The following EPN2 variants were observed in gnomAD, a reference collection of about 807,000 sequenced individuals.
EPN2 encodes the protein epsin 2.
A neutral mutation model predicts 61.7 loss-of-function variants in EPN2; 34 were observed. The observed-to-expected ratio is 0.55, with a 90% CI of 0.42 to 0.73. EPN2 has a LOEUF of 0.73. Among genes scored for constraint, EPN2 ranks in the 30% least tolerant of loss-of-function variants. The pLI is 0.00. For missense variants in EPN2, 714 were observed against 839.2 expected (o/e 0.85, Z 1.84); for synonymous variants, 349 against 353.6 (o/e 0.99, Z 0.15).
chr17:19,296,490 A>G lies in EPN2; in HGVS notation c.766+10700A>G, dbSNP rs1451502440. The G allele has an allele frequency of 3.3e-5, 5 of 152,306 alleles. 1 individual carries two copies. In the East Asian group the frequency reaches 5.8e-4, roughly 18 times the overall value. The allele number at this position is 152,306 out of a possible 1,614,324, so 9.4% of individuals were successfully genotyped here. On this transcript the variant is annotated intron_variant, in intron 4 of 10. Coordinates refer to ENST00000314728, the MANE Select transcript of EPN2 (RefSeq NM_014964.5). ...GGTACAAATGTAATAATGTATGTCC[A>G]TTCATGATAATTGGGAAAATGCAAA... is the stretch of plus-strand genomic sequence containing the variant.
chr17:19,284,023 G>A (rs2045382306), intron 3 of EPN2, among the ~76,000 whole-genome samples: 1 of 152,206 alleles, frequency 6.6e-6, no homozygotes. Flanking sequence ...GTCAGAATGG[G>A]TCTGGCAGCA....
At chr17:19,300,458 C>T (rs867925003) in intron 4 of EPN2, among the ~76,000 whole-genome samples, 17 of 110,556 alleles carry the variant, frequency 1.5e-4, no homozygotes, top group South Asian at 2.9e-4. Flanking sequence ...GAGACAGAGT[C>T]GCTCTTGTTG....
rs58660254 is a variant in EPN2, at chr17:19,318,549, CA to C, written c.1147+5288del. On this transcript the variant is annotated intron_variant, in intron 7 of 10. Transcript: ENST00000314728. ...TGGGCAACAGAGCGAGACTCCATCTCAAAAAAAAAAAAAAAAAAGAGTAGGG... is the reference window on the plus strand; with the variant it reads ...TGGGCAACAGAGCGAGACTCCATCTCAAAAAAAAAAAAAAAAAGAGTAGGG... 4.6e-3 allele frequency among the ~76,000 whole-genome samples: 113 copies of C among 24,784 alleles called. 7 individuals are homozygous for C. Among genetic ancestry groups the C allele is most frequent in the East Asian group, 8.7e-3 (24 of 2,770 alleles). The allele number at this position is 24,784 out of a possible 152,430, so 16.3% of individuals were successfully genotyped here. A position where few individuals can be genotyped will look rare whatever the true frequency, so the allele number is the denominator to read the frequency against.
At chr17:19,251,321 C>T (rs2045012807) in intron 1 of EPN2, among the ~76,000 whole-genome samples, 1 of 152,170 alleles carries the variant, frequency 6.6e-6, no homozygotes, top group African/African-American at 2.4e-5. Context: ...GAGGCAGGAT[C>T]TTGCTTCCTT....
rs138168948 is a variant in EPN2 at position 19,328,853 on chromosome 17, C to T, written c.1290C>T (p.Gly430=). 22 of 1,612,942 alleles carry T rather than the reference C, an allele frequency of 1.4e-5. No individual in the cohort carries two copies. The highest frequency in any genetic ancestry group is 1.6e-4 in the Middle Eastern group (1 of 6,070). ...GGAAAAGAGCTTCTGACGCGTGGGG[C>T]GCAGTCTCCACCACCAAGCCCGTGT... ...SAGKRASDAW[G]AVSTTKPVSV... is the part of the protein sequence containing the mutation. Residue 430 remains glycine (G), a synonymous_variant, in exon 8 of 11, where the codon GGC becomes GGT. Coordinates refer to ENST00000314728, the MANE Select transcript of EPN2 (RefSeq NM_014964.5).
intron 1 of EPN2, among the ~76,000 whole-genome samples, chr17:19,263,301 TTAGAA>T (rs1385693767): frequency 6.6e-6 from 1 of 151,118 alleles, no homozygotes; most frequent in African/African-American, 2.4e-5. Flanking sequence ...GATCAGTACT[TTAGAA>T]GAGAAGAGAA....
At chr17:19,270,377 G>A (rs2045240842) in intron 1 of EPN2, among the ~76,000 whole-genome samples, 1 of 152,216 alleles carries the variant, frequency 6.6e-6, no homozygotes, top group South Asian at 2.1e-4. Context: ...AACAGGTTGT[G>A]TGTATAGTCT....
At chr17:19,269,961 C>T (rs574012873) in intron 1 of EPN2, among the ~76,000 whole-genome samples, 4 of 152,224 alleles carry the variant, frequency 2.6e-5, no homozygotes, top group East Asian at 1.9e-4. Context: ...CTTGTTCTTA[C>T]GATTTTGAGC....
At chr17:19,282,759 A>C (rs1567853415) in intron 2 of EPN2, 191 bp from the exon 3 acceptor site, 1 of 177,578 alleles carries the variant, frequency 5.6e-6, no homozygotes, top group Non-Finnish European at 1.2e-5. Flanking sequence ...TTTTCTCCTA[A>C]AGGCTTAAAC....
chr17:19,259,796 G>A (rs1194724379), intron 1 of EPN2, among the ~76,000 whole-genome samples: 1 of 152,310 alleles, frequency 6.6e-6, no homozygotes, highest in Non-Finnish European at 1.5e-5. Context: ...TTGAGAGAGC[G>A]ACCCCTCGCT....
At chr17:19,262,249 C>T (rs535656561) in intron 1 of EPN2, among the ~76,000 whole-genome samples, 20 of 151,828 alleles carry the variant, frequency 1.3e-4, no homozygotes, top group African/African-American at 4.6e-4. Flanking sequence ...GAGGCCAAGG[C>T]GGGCGGACCA....
intron 5 of EPN2, among the ~76,000 whole-genome samples, chr17:19,310,575 T>TC (rs1906084493): frequency 8.4e-6 from 1 of 118,986 alleles, no homozygotes; most frequent in East Asian, 2.4e-4. Context: ...TTCTTTCTTT[T>TC]TTTTTTTTTT....
At chr17:19,255,865 C>T (rs2045071441) in intron 1 of EPN2, among the ~76,000 whole-genome samples, 1 of 151,222 alleles carries the variant, frequency 6.6e-6, no homozygotes, top group Non-Finnish European at 1.5e-5. Context: ...TTAAGCAATC[C>T]TTCTGTCTCG....
At position 19,251,509 on chromosome 17, in the gene EPN2, C is replaced by T. The variant is rs577079708; in HGVS notation, c.-294+13978C>T. Among the ~76,000 whole-genome samples, 17 of 152,182 alleles carry T rather than the reference C, an allele frequency of 1.1e-4. No homozygotes were observed. In the South Asian group the frequency reaches 2.9e-3, roughly 26 times the overall value. On this transcript the variant is annotated intron_variant, in intron 1 of 10. Coordinates refer to ENST00000314728, the MANE Select transcript of EPN2 (RefSeq NM_014964.5). The stretch of plus-strand genomic sequence containing the variant: ...AGTGCAGTTGTGTAATCTCAGCTCA[C>T]TGCAACCTCTGCCTCCCAGGTTCAA...
intron 7 of EPN2, among the ~76,000 whole-genome samples, chr17:19,323,455 C>G (rs1019435969): frequency 6.6e-6 from 1 of 152,196 alleles, no homozygotes; most frequent in African/African-American, 2.4e-5. Flanking sequence ...TCCAGGAAGC[C>G]TGGTGAATCC....
intron 1 of EPN2, chr17:19,274,330 C>G (rs996925791): frequency 6.6e-6 from 1 of 152,160 alleles, no homozygotes; most frequent in African/African-American, 2.4e-5. Flanking sequence ...TGGGGTGTAC[C>G]CCTTTCCCAA....
intron 1 of EPN2, among the ~76,000 whole-genome samples, chr17:19,257,210 C>G (rs538790522): frequency 1.3e-5 from 2 of 152,066 alleles, no homozygotes; most frequent in African/African-American, 4.8e-5. Context: ...GAACAAAAAT[C>G]TTGCTTTTTC....
intron 1 of EPN2, among the ~76,000 whole-genome samples, chr17:19,246,651 A>C (rs1295713023): frequency 1.3e-5 from 2 of 151,844 alleles, no homozygotes; most frequent in Admixed American, 1.3e-4. Context: ...GTGAGCAAAA[A>C]GTTGTATTAA....
chr17:19,275,064 C>G (rs1472772466), intron 1 of EPN2, among the ~76,000 whole-genome samples: 1 of 152,182 alleles, frequency 6.6e-6, no homozygotes, highest in African/African-American at 2.4e-5. Context: ...TGATCCCAGA[C>G]TTTGGTTGGG....
Sources: gnomAD v4.1 joint callset for allele counts (sites outside exome capture counted in the v4.1 genomes callset) on GRCh38, gnomAD v4.1.1 for gene constraint, MANE v1.5 for transcripts, NCBI Gene and HGNC (gene_info 2026-07-23, HGNC 2026-07-21) for gene names.